Variants in PNMA6E observed in about 807,000 individuals in gnomAD.
The protein encoded by PNMA6E is PNMA family member 6E.
For synonymous variants in PNMA6E, 43 were observed against 17.1 expected (o/e 2.52, Z -3.74); for missense variants, 78 against 50.8 (o/e 1.53, Z -1.63).
At chrX:153,408,884 C>T in the PNMA6E span, among the ~76,000 whole-genome samples, 1 of 112,796 alleles carries the variant, frequency 8.9e-6, no homozygotes. Context: ...AGAGGTGCCG[C>T]CCTGACCCCT....
At chrX:153,412,836 C>T in the PNMA6E span, among the ~76,000 whole-genome samples, 1 of 111,851 alleles carries the variant, frequency 8.9e-6, no homozygotes, top group Non-Finnish European at 1.9e-5. Context: ...GGACAGGACC[C>T]GACCCGCCTG....
rs200672716 is a variant in PNMA6E, at chrX:153,399,309, T to TTGTG, written c.-71-393_-71-390dup. The stretch of plus-strand genomic sequence containing the variant: ...ATTAGTGTTCATTCTCTCTTGTGTG[T>TTGTG]TGTGTGTGTGTGTGTGTGTGTGTGT... On this transcript the variant is annotated intron_variant, in intron 1 of 1. Coordinates refer to ENST00000445091, the MANE Select transcript of PNMA6E (RefSeq NM_001367770.1). Among the ~76,000 whole-genome samples the TTGTG allele has an allele frequency of 1.1e-3, 114 of 104,046 alleles. 2 individuals carry two copies. The highest frequency in any genetic ancestry group is 3.1e-3 in the African/African-American group (88 of 28,587). The allele number at this position is 104,046 out of a possible 115,157, so 90.4% of individuals were successfully genotyped here.
chrX:153,397,051 C>A lies in PNMA6E; in HGVS notation c.1799G>T (p.Gly600Val). 3.4e-6 allele frequency: 1 copy of A among 298,007 alleles called. No homozygotes were observed. Among genetic ancestry groups the A allele is most frequent in the Non-Finnish European group, 5.9e-6 (1 of 170,436 alleles). The allele number at this position is 298,007 out of a possible 1,213,427, so 24.6% of individuals were successfully genotyped here. A position where few individuals can be genotyped will look rare whatever the true frequency, so the allele number is the denominator to read the frequency against. Residue 600 changes from glycine (G) to valine (V), a missense_variant, in exon 2 of 2, where the codon GGT becomes GTT. By Grantham distance (109) the Gly-to-Val change is moderately radical (BLOSUM62 -3). Coordinates refer to ENST00000445091, the MANE Select transcript of PNMA6E (RefSeq NM_001367770.1). ...VWVFPRGLSW[G>V]PEGLIQVRGQ... The stretch of plus-strand genomic sequence containing the variant: ...TCTCACCTGGATGAGGCCCTCTGGA[C>A]CCCAGCTAAGACCTCTTGGGAACAC...
the PNMA6E span, among the ~76,000 whole-genome samples, chrX:153,412,313 G>A: frequency 2.2e-3 from 249 of 112,266 alleles, 1 homozygote; most frequent in African/African-American, 7.6e-3. Context: ...GGCAGAAAGC[G>A]GCACCCAGCG....
At position 153,398,310 on chromosome X, in the gene PNMA6E, G is replaced by A. The variant is rs1229204879; in HGVS notation, c.540C>T (p.Gly180=). Residue 180 remains glycine, a synonymous_variant, in exon 2 of 2, where the codon GGC becomes GGT. Transcript: ENST00000445091. ...GEAGAAGEAG[G]AGEAGAAGEG... Reference sequence around the variant, plus strand: ...CACCTGCTGCTCCTGCCTCACCTGCGCCTCCTGCCTCACCTGCTGCTCCTG... The same window carrying A: ...CACCTGCTGCTCCTGCCTCACCTGCACCTCCTGCCTCACCTGCTGCTCCTG... The A allele has an allele frequency of 6.3e-5, 21 of 331,817 alleles. No individual in the cohort carries two copies. Among genetic ancestry groups the A allele is most frequent in the African/African-American group, 4.8e-4 (13 of 26,888 alleles). The allele number at this position is 331,817 out of a possible 1,213,427, so 27.3% of individuals were successfully genotyped here.
the PNMA6E span, among the ~76,000 whole-genome samples, chrX:153,410,994 G>A: frequency 6.3e-5 from 7 of 110,917 alleles, no homozygotes; most frequent in Non-Finnish European, 1.1e-4. Flanking sequence ...GAGGGTCTTG[G>A]CTTCTTGCAC....
At position 153,395,940 on chromosome X, in the gene PNMA6E, G is replaced by C. The variant is rs999302964; in HGVS notation, c.*966C>G. On this transcript the variant is annotated 3_prime_UTR_variant, in exon 2 of 2. Coordinates refer to ENST00000445091, the MANE Select transcript of PNMA6E (RefSeq NM_001367770.1). ...CCATCCCTATGGCCTTCACAGGACA[G>C]TCACAGAACACTGGGAAACACCAGG... 8.9e-6 allele frequency: 1 copy of C among 112,442 alleles called. No homozygotes were observed. The allele number at this position is 112,442 out of a possible 1,213,427, so 9.3% of individuals were successfully genotyped here.
At chrX:153,404,521 GGTGGTTT>G (rs1380855930), upstream of PNMA6E, among the ~76,000 whole-genome samples, 1 of 111,233 alleles carries the variant, frequency 9.0e-6, no homozygotes, top group Non-Finnish European at 1.9e-5. Flanking sequence ...TGGTGGCGGT[GGTGGTTT>G]GTTGTCCTAG....
chrX:153,405,590 C>T (rs782296480), upstream of PNMA6E, among the ~76,000 whole-genome samples: 1 of 102,109 alleles, frequency 9.8e-6, no homozygotes. Context: ...TCCCCACACA[C>T]ACATAGATCC....
chrX:153,407,400 C>T, the PNMA6E span, among the ~76,000 whole-genome samples: 1 of 110,547 alleles, frequency 9.0e-6, no homozygotes, highest in East Asian at 2.9e-4. Context: ...GTCGGGGTCT[C>T]GCTCTGCTGC....
the PNMA6E span, among the ~76,000 whole-genome samples, chrX:153,410,576 C>A: frequency 3.6e-5 from 4 of 112,504 alleles, no homozygotes; most frequent in African/African-American, 1.3e-4. Flanking sequence ...GCAGCGTCCT[C>A]GCCCTTCCCC....
At chrX:153,404,922 A>G (rs2088870335), upstream of PNMA6E, among the ~76,000 whole-genome samples, 1 of 112,333 alleles carries the variant, frequency 8.9e-6, no homozygotes, top group Non-Finnish European at 1.9e-5. Context: ...TTAACCCCCT[A>G]TGGTTTCTGC....
chrX:153,402,213 T>A (rs1159207879), upstream of PNMA6E, among the ~76,000 whole-genome samples: 1 of 112,165 alleles, frequency 8.9e-6, no homozygotes, highest in Non-Finnish European at 1.9e-5. Context: ...TTCTGTCAAC[T>A]TTTGTTTTAT....
chrX:153,400,837 C>T (rs1463250539), intron 1 of PNMA6E, among the ~76,000 whole-genome samples: 1 of 104,880 alleles, frequency 9.5e-6, no homozygotes, highest in Non-Finnish European at 2.0e-5. Context: ...AGCCCCCTCC[C>T]GACCCCCAGC....
chrX:153,410,018 G>C, the PNMA6E span, among the ~76,000 whole-genome samples: 1 of 111,877 alleles, frequency 8.9e-6, no homozygotes, highest in Non-Finnish European at 1.9e-5. Context: ...ACCACAAACC[G>C]CTTGGCTTCA....
At chrX:153,411,869 G>GC in the PNMA6E span, among the ~76,000 whole-genome samples, 4 of 57,497 alleles carry the variant, frequency 7.0e-5, no homozygotes, top group Non-Finnish European at 1.3e-4. Context: ...CCTCGGGGCC[G>GC]CCCCGTACCA....
Position 153,397,385 on chromosome X carries a change from G to T in PNMA6E, c.1465C>A (p.Arg489=). The change falls in exon 2 of 2, where the codon CGG becomes AGG. Residue 489 remains arginine (R), a synonymous_variant. Coordinates refer to ENST00000445091, the MANE Select transcript of PNMA6E (RefSeq NM_001367770.1). ...AAGGCTGCCCATGCCTCCATCTCCC[G>T]GATGAGCCGGAGCAGCCCCAGGAAG... ...PGFLGLLRLI[R]EMEAWAAFPA... The T allele has an allele frequency of 3.4e-6, 1 of 298,089 alleles. No individual in the cohort carries two copies. The highest frequency in any genetic ancestry group is 5.9e-6 in the Non-Finnish European group (1 of 170,422). The allele number at this position is 298,089 out of a possible 1,213,427, so 24.6% of individuals were successfully genotyped here.
At chrX:153,409,290 C>T in the PNMA6E span, among the ~76,000 whole-genome samples, 1 of 113,087 alleles carries the variant, frequency 8.8e-6, no homozygotes, top group Non-Finnish European at 1.9e-5. Flanking sequence ...CAGACCCCAA[C>T]TCTTCCTCCC....
chrX:153,397,821 A>G lies in PNMA6E; in HGVS notation c.1029T>C (p.His343=), dbSNP rs2088819947. 3 of 320,999 alleles carry G rather than the reference A, an allele frequency of 9.3e-6. No individual in the cohort carries two copies. Among genetic ancestry groups the G allele is most frequent in the Non-Finnish European group, 1.1e-5 (2 of 185,395 alleles). 26.5% of individuals were successfully genotyped at this position (320,999 alleles called of 1,213,427 possible). A position where few individuals can be genotyped will look rare whatever the true frequency, so the allele number is the denominator to read the frequency against. Residue 343 remains histidine, a synonymous_variant, in exon 2 of 2, where the codon CAT becomes CAC. Transcript: ENST00000445091. ...ACCACAGCTGCAGCATATCCTTGGC[A>G]TGCTCCACCCAGCTCTCAAAGGACT... ...EEESFESWVE[H]AKDMLQLWCH... is the part of the protein sequence containing the mutation.
Sources: gnomAD v4.1 joint callset for allele counts (sites outside exome capture counted in the v4.1 genomes callset) on GRCh38, gnomAD v4.1.1 for gene constraint, MANE v1.5 for transcripts, NCBI Gene and HGNC (gene_info 2026-07-23, HGNC 2026-07-21) for gene names.